RGL1: variants seen among roughly 807,000 people sequenced by gnomAD.
RGL1 encodes ral guanine nucleotide dissociation stimulator like 1, also known as ral guanine nucleotide dissociation stimulator-like 1.
In RGL1, 24 loss-of-function variants were observed where a neutral mutation model predicts 95.2. That is an observed-to-expected ratio of 0.25 (90% confidence interval 0.18 to 0.35). RGL1 has a LOEUF of 0.35. Among genes scored for constraint, RGL1 ranks in the 10% least tolerant of loss-of-function variants. The pLI is 1.00. For missense variants in RGL1, 715 were observed against 936.3 expected, an observed-to-expected ratio of 0.76 and a Z score of 3.08; for synonymous variants, 329 against 344.9, an observed-to-expected ratio of 0.95 and a Z score of 0.51.
At chr1:183,717,590 A>G (rs1354055739) in intron 1 of RGL1, among the ~76,000 whole-genome samples, 1 of 152,214 alleles carries the variant, frequency 6.6e-6, no homozygotes, top group Non-Finnish European at 1.5e-5. Context: ...GTACTTTTAA[A>G]TTTAAAACTA....
chr1:183,694,579 TAC>T (rs2102122991), intron 1 of RGL1, among the ~76,000 whole-genome samples: 1 of 152,360 alleles, frequency 6.6e-6, no homozygotes, highest in East Asian at 1.9e-4. Context: ...TCTGAAAATA[TAC>T]TGCAGTATGT....
chr1:183,908,209 C>T (rs539937300), intron 14 of RGL1, among the ~76,000 whole-genome samples: 1 of 152,146 alleles, frequency 6.6e-6, no homozygotes, highest in African/African-American at 2.4e-5. Context: ...TTTGATATTT[C>T]CCAGCACTGT....
chr1:183,643,749 C>T (rs1650102143), intron 1 of RGL1, among the ~76,000 whole-genome samples: 1 of 152,132 alleles, frequency 6.6e-6, no homozygotes, highest in African/African-American at 2.4e-5. Context: ...CCGTGCTTGG[C>T]CAAGATCTTG....
chr1:183,639,353 T>C (rs1333706299), intron 1 of RGL1, among the ~76,000 whole-genome samples: 4 of 151,720 alleles, frequency 2.6e-5, no homozygotes, highest in Non-Finnish European at 5.9e-5. Context: ...TTATTTGAAA[T>C]AGAAGTGCAA....
intron 2 of RGL1, among the ~76,000 whole-genome samples, chr1:183,844,497 A>G (rs1202773490): frequency 6.6e-6 from 1 of 152,254 alleles, no homozygotes; most frequent in Non-Finnish European, 1.5e-5. Context: ...CACCGTTGGC[A>G]TATGAGAAAT....
chr1:183,700,614 C>T (rs554403237), intron 1 of RGL1, among the ~76,000 whole-genome samples: 62 of 148,278 alleles, frequency 4.2e-4, no homozygotes, highest in East Asian at 6.0e-4. Flanking sequence ...GGTGTGATCT[C>T]GGCTCACTGC....
chr1:183,640,695 G>A (rs16828985), intron 1 of RGL1, among the ~76,000 whole-genome samples: 10,447 of 152,002 alleles, frequency 0.069, 628 homozygotes, highest in African/African-American at 0.16. Flanking sequence ...GCTAACAGTC[G>A]TTTTAAGGTT....
intron 1 of RGL1, among the ~76,000 whole-genome samples, chr1:183,681,408 C>A (rs923516376): frequency 1.3e-5 from 2 of 152,140 alleles, no homozygotes; most frequent in African/African-American, 2.4e-5. Flanking sequence ...TTATCAAAGG[C>A]CTTTTCTGCA....
intron 2 of RGL1, among the ~76,000 whole-genome samples, chr1:183,743,954 G>A (rs899999923): frequency 1.3e-5 from 2 of 152,170 alleles, no homozygotes; most frequent in Non-Finnish European, 2.9e-5. Flanking sequence ...AAATAAGACA[G>A]GAACCAAGTC....
At position 183,718,731 on chromosome 1, in the gene RGL1, A is replaced by G. The variant is rs373274934; in HGVS notation, c.-32-23395A>G. 2.6e-5 allele frequency among the ~76,000 whole-genome samples: 4 copies of G among 151,892 alleles called. No individual in the cohort carries two copies. In the East Asian group the frequency reaches 7.8e-4, roughly 30 times the overall value. On this transcript the variant is annotated intron_variant, in intron 1 of 18. Transcript: ENST00000304685. ...GGAGTTCGAGACCAGCCTGACCAAC[A>G]TGGTGAAACCCCCGTCTCTACTAAA...
At chr1:183,917,633 C>T (rs985620176) in intron 16 of RGL1, among the ~76,000 whole-genome samples, 5 of 152,170 alleles carry the variant, frequency 3.3e-5, no homozygotes, top group Non-Finnish European at 5.9e-5. Flanking sequence ...ACATTTATTG[C>T]GTTCTAGTCA....
At chr1:183,799,196 C>G (rs1408623873) in intron 2 of RGL1, among the ~76,000 whole-genome samples, 1 of 152,154 alleles carries the variant, frequency 6.6e-6, no homozygotes, top group East Asian at 1.9e-4. Flanking sequence ...GCCACCATGC[C>G]TGGCCTCCTT....
At chr1:183,763,721 T>G (rs1040920142) in intron 2 of RGL1, among the ~76,000 whole-genome samples, 1 of 152,258 alleles carries the variant, frequency 6.6e-6, no homozygotes, top group African/African-American at 2.4e-5. Flanking sequence ...AGGATTGTTA[T>G]GAGAATTAAT....
intron 2 of RGL1, among the ~76,000 whole-genome samples, chr1:183,760,367 T>C (rs1477863018): frequency 6.6e-6 from 1 of 152,106 alleles, no homozygotes; most frequent in Non-Finnish European, 1.5e-5. Flanking sequence ...TGACTCTTCT[T>C]TTCTTGAAAG....
chr1:183,760,721 C>G (rs981223963), intron 2 of RGL1, among the ~76,000 whole-genome samples: 3 of 152,120 alleles, frequency 2.0e-5, no homozygotes. Flanking sequence ...CCACTGCACT[C>G]CAGCCTGAGC....
intron 6 of RGL1, among the ~76,000 whole-genome samples, chr1:183,884,421 G>T (rs571652472): frequency 6.6e-6 from 1 of 152,304 alleles, no homozygotes; most frequent in Admixed American, 6.5e-5. Flanking sequence ...TCATAGGTCG[G>T]TGTTAGATGG....
chr1:183,871,791 G>A (rs1666199445), intron 4 of RGL1, among the ~76,000 whole-genome samples: 1 of 152,222 alleles, frequency 6.6e-6, no homozygotes, highest in African/African-American at 2.4e-5. Flanking sequence ...GTATCAGATT[G>A]TGCAGGGACT....
chr1:183,823,091 C>T (rs1191888084), intron 2 of RGL1, among the ~76,000 whole-genome samples: 1 of 152,074 alleles, frequency 6.6e-6, no homozygotes. Context: ...TTTTTTTTAA[C>T]ACCACACATA....
intron 1 of RGL1, among the ~76,000 whole-genome samples, chr1:183,667,584 C>A (rs1652130118): frequency 6.6e-6 from 1 of 152,026 alleles, no homozygotes; most frequent in South Asian, 2.1e-4. Flanking sequence ...CCTTGGCCTC[C>A]CAAAGTGCTG....
Sources: allele counts gnomAD v4.1 joint callset (sites outside exome capture counted in the v4.1 genomes callset), GRCh38; gene constraint gnomAD v4.1.1; transcripts MANE v1.5; gene names NCBI Gene and HGNC (gene_info 2026-07-23, HGNC 2026-07-21).